Variants in SNTB1 observed in about 807,000 individuals in gnomAD.
SNTB1 encodes syntrophin beta 1.
A neutral mutation model predicts 48.9 loss-of-function variants in SNTB1; 36 were observed. The observed-to-expected ratio is 0.74, with a 90% CI of 0.56 to 0.97. The LOEUF (loss-of-function observed/expected upper bound fraction) is 0.97. SNTB1 is among the 50% of genes least tolerant of loss of function. SNTB1 has a pLI of 0.00. For missense variants in SNTB1, 786 were observed against 703.4 expected (o/e 1.12, Z -1.33); for synonymous variants, 299 against 294.6 (o/e 1.01, Z -0.15).
At chr8:120,801,150 T>C (rs1417896853) in intron 1 of SNTB1, among the ~76,000 whole-genome samples, 1 of 151,956 alleles carries the variant, frequency 6.6e-6, no homozygotes, top group East Asian at 1.9e-4. Context: ...AATATAGGAA[T>C]ATTACAAGCA....
At chr8:120,773,516 C>T (rs1025100528) in intron 1 of SNTB1, among the ~76,000 whole-genome samples, 10 of 152,068 alleles carry the variant, frequency 6.6e-5, no homozygotes, top group Admixed American at 2.0e-4. Flanking sequence ...AAGTAACTTC[C>T]GAACATTTAC....
intron 4 of SNTB1, among the ~76,000 whole-genome samples, chr8:120,554,883 G>C (rs1815541088): frequency 6.6e-6 from 1 of 152,056 alleles, no homozygotes; most frequent in Admixed American, 6.6e-5. Context: ...TGGACTCAGG[G>C]GTACTCTCAG....
At chr8:120,693,630 C>T in intron 2 of SNTB1, 62 bp downstream of exon 2, 2 of 1,414,822 alleles carry the variant, frequency 1.4e-6, no homozygotes, top group Non-Finnish European at 2.0e-6. Flanking sequence ...CGTGAAAGCC[C>T]CCATTTAGCC....
chr8:120,661,946 C>A (rs1387703991), intron 2 of SNTB1, among the ~76,000 whole-genome samples: 1 of 152,168 alleles, frequency 6.6e-6, no homozygotes, highest in Non-Finnish European at 1.5e-5. Context: ...CTTTTTAAAT[C>A]ATTTTCCAGA....
At chr8:120,809,357 C>A (rs1348704031) in intron 1 of SNTB1, among the ~76,000 whole-genome samples, 1 of 152,220 alleles carries the variant, frequency 6.6e-6, no homozygotes, top group Admixed American at 6.5e-5. Context: ...TGACAAACCA[C>A]AAAGTGTTCT....
At chr8:120,715,424 C>T (rs576581881) in intron 1 of SNTB1, among the ~76,000 whole-genome samples, 2 of 152,284 alleles carry the variant, frequency 1.3e-5, no homozygotes, top group South Asian at 4.1e-4. Flanking sequence ...GGTTACTCAA[C>T]AGAGCCCAGA....
At chr8:120,692,568 C>G (rs1272200641) in intron 2 of SNTB1, among the ~76,000 whole-genome samples, 2 of 152,100 alleles carry the variant, frequency 1.3e-5, no homozygotes, top group Non-Finnish European at 2.9e-5. Context: ...ATTTTACTTC[C>G]TCTTGGCTGC....
chr8:120,667,564 C>T (rs2129771901), intron 2 of SNTB1, among the ~76,000 whole-genome samples: 1 of 152,234 alleles, frequency 6.6e-6, no homozygotes, highest in African/African-American at 2.4e-5. Context: ...GGGGCTCTTG[C>T]TTTGTTGCCC....
At chr8:120,620,399 C>T (rs1037820058) in intron 3 of SNTB1, among the ~76,000 whole-genome samples, 9 of 152,258 alleles carry the variant, frequency 5.9e-5, no homozygotes, top group African/African-American at 9.6e-5. Flanking sequence ...TCAAAAGTCA[C>T]TCAACCAGTA....
At chr8:120,689,779 T>C (rs1818095718) in intron 2 of SNTB1, among the ~76,000 whole-genome samples, 1 of 152,204 alleles carries the variant, frequency 6.6e-6, no homozygotes, top group East Asian at 1.9e-4. Context: ...TTTGGTTTTG[T>C]TATTGATTTT....
chr8:120,656,617 C>T (rs557199337), intron 2 of SNTB1, among the ~76,000 whole-genome samples: 19 of 152,272 alleles, frequency 1.2e-4, no homozygotes, highest in Middle Eastern at 6.8e-3. Context: ...GTGCATTTGT[C>T]TTATAATCTT....
intron 5 of SNTB1, among the ~76,000 whole-genome samples, chr8:120,546,971 T>C (rs1288504815): frequency 2.0e-5 from 3 of 152,188 alleles, no homozygotes; most frequent in African/African-American, 4.8e-5. Flanking sequence ...CTTGTCTCTG[T>C]AGAAACTACA....
At chr8:120,598,338 C>A (rs926877036) in intron 3 of SNTB1, among the ~76,000 whole-genome samples, 2 of 152,158 alleles carry the variant, frequency 1.3e-5, no homozygotes, top group Admixed American at 1.3e-4. Context: ...ATAACAGAGC[C>A]CCTATCTGTA....
rs546974178 is a variant in SNTB1, at chr8:120,812,028, G to C, written c.-185C>G. The C allele has an allele frequency of 7.9e-7, 1 of 1,263,146 alleles. No individual in the cohort carries two copies. The highest frequency in any genetic ancestry group is 1.6e-5 in the African/African-American group (1 of 63,804). The allele number at this position is 1,263,146 out of a possible 1,614,324, so 78.2% of individuals were successfully genotyped here. A position where few individuals can be genotyped will look rare whatever the true frequency, so the allele number is the denominator to read the frequency against. On this transcript the variant is annotated 5_prime_UTR_variant, in exon 1 of 7. Transcript: ENST00000517992. ...CGGCGGGAGTTGGCAGCTGCACTCA[G>C]GCTGGTTCCCCCTCGCCTGATCCTG...
At chr8:120,626,248 C>T (rs570769781) in intron 3 of SNTB1, among the ~76,000 whole-genome samples, 5 of 152,122 alleles carry the variant, frequency 3.3e-5, no homozygotes, top group Admixed American at 3.3e-4. Flanking sequence ...AATATAGTCA[C>T]ATAGATAAAT....
intron 1 of SNTB1, among the ~76,000 whole-genome samples, chr8:120,735,661 G>T (rs1033939762): frequency 1.3e-5 from 2 of 152,222 alleles, no homozygotes; most frequent in Non-Finnish European, 2.9e-5. Flanking sequence ...AGAGGCCACA[G>T]AAGAAACCAA....
chr8:120,671,561 G>A (rs1261451553), intron 2 of SNTB1, among the ~76,000 whole-genome samples: 2 of 152,196 alleles, frequency 1.3e-5, no homozygotes, highest in African/African-American at 4.8e-5. Flanking sequence ...CAAGGAAGGA[G>A]GATTCTTCTC....
chr8:120,718,133 A>C (rs1818594942), intron 1 of SNTB1, among the ~76,000 whole-genome samples: 1 of 152,206 alleles, frequency 6.6e-6, no homozygotes, highest in Non-Finnish European at 1.5e-5. Flanking sequence ...GAATTGTCTA[A>C]TTGGTGTGAT....
chr8:120,755,142 T>TTGTG (rs71308607), intron 1 of SNTB1, among the ~76,000 whole-genome samples: 38 of 59,738 alleles, frequency 6.4e-4, no homozygotes, highest in Middle Eastern at 0.018. Context: ...TGCTGTGGTG[T>TTGTG]TGTGTGTGTG....
Sources: allele counts gnomAD v4.1 joint callset (sites outside exome capture counted in the v4.1 genomes callset), GRCh38; gene constraint gnomAD v4.1.1; transcripts MANE v1.5; gene names NCBI Gene and HGNC (gene_info 2026-07-23, HGNC 2026-07-21).